Variants in ELP4 observed in about 807,000 individuals in gnomAD.
ELP4 encodes elongator complex protein 4.
In ELP4, 51 loss-of-function variants were observed where a neutral mutation model predicts 48.9. The observed-to-expected ratio is 1.04, with a 90% CI of 0.83 to 1.32. The LOEUF (loss-of-function observed/expected upper bound fraction) is 1.32. Ranked by LOEUF, ELP4 falls within the 40% of genes most tolerant of loss-of-function variation. The pLI, the probability that ELP4 is intolerant of heterozygous loss-of-function variation, is 0.00. For missense variants in ELP4, 519 were observed against 514.6 expected (o/e 1.01, Z -0.08); for synonymous variants, 210 against 189.2 (o/e 1.11, Z -0.90).
chr11:31,723,964 A>G (rs1007944474), intron 9 of ELP4, among the ~76,000 whole-genome samples: 5 of 152,204 alleles, frequency 3.3e-5, no homozygotes, highest in African/African-American at 1.2e-4. Flanking sequence ...AGGGTTGTCT[A>G]TGTGAAAGGC....
At chr11:31,567,276 A>G (rs971484185) in intron 3 of ELP4, among the ~76,000 whole-genome samples, 1 of 152,178 alleles carries the variant, frequency 6.6e-6, no homozygotes, top group South Asian at 2.1e-4. Context: ...CCCAGATTTT[A>G]TTCTAAAACA....
At chr11:31,567,021 A>G (rs1565057372) in intron 3 of ELP4, among the ~76,000 whole-genome samples, 2 of 144,400 alleles carry the variant, frequency 1.4e-5, no homozygotes, top group Non-Finnish European at 3.0e-5. Context: ...CTGGCAATGT[A>G]GTACTTCTTT....
chr11:31,545,814 A>G (rs976586438), intron 3 of ELP4, among the ~76,000 whole-genome samples: 2 of 152,164 alleles, frequency 1.3e-5, no homozygotes, highest in African/African-American at 4.8e-5. Context: ...GCCAGAAGAG[A>G]GTGGGGGCCA....
chr11:31,739,203 G>A (rs193264864), intron 9 of ELP4, among the ~76,000 whole-genome samples: 1 of 152,260 alleles, frequency 6.6e-6, no homozygotes, highest in East Asian at 1.9e-4. Flanking sequence ...CAATAAAAGT[G>A]TAGTGACACA....
At chr11:31,518,800 G>T (rs952041004) in intron 1 of ELP4, among the ~76,000 whole-genome samples, 6 of 150,650 alleles carry the variant, frequency 4.0e-5, no homozygotes, top group Non-Finnish European at 8.8e-5. Flanking sequence ...GGAGGCTGAG[G>T]CAGGAGAATC....
chr11:31,576,408 C>G (rs1009018851), intron 3 of ELP4, among the ~76,000 whole-genome samples: 1 of 152,118 alleles, frequency 6.6e-6, no homozygotes, highest in Non-Finnish European at 1.5e-5. Flanking sequence ...CAAGGATATC[C>G]AGGAATTGAA....
chr11:31,551,648 C>G (rs1225438357), intron 3 of ELP4, among the ~76,000 whole-genome samples: 2 of 152,096 alleles, frequency 1.3e-5, no homozygotes, highest in East Asian at 1.9e-4. Context: ...CCTTGTACCT[C>G]TGTAAAATAT....
intron 9 of ELP4, among the ~76,000 whole-genome samples, chr11:31,765,529 A>G (rs1244191793): frequency 6.6e-6 from 1 of 152,178 alleles, no homozygotes; most frequent in African/African-American, 2.4e-5. Context: ...GCTGGATATA[A>G]TATGAGTAAT....
At chr11:31,636,662 TG>T (rs1944984460) in intron 7 of ELP4, among the ~76,000 whole-genome samples, 1 of 151,918 alleles carries the variant, frequency 6.6e-6, no homozygotes, top group Non-Finnish European at 1.5e-5. Flanking sequence ...ATAAGACTTT[TG>T]TGAGTAGAAT....
chr11:31,533,648 A>G (rs904134145), intron 2 of ELP4, among the ~76,000 whole-genome samples: 2 of 151,414 alleles, frequency 1.3e-5, no homozygotes, highest in Non-Finnish European at 2.9e-5. Context: ...TTGGCCTCCC[A>G]AAGTGCTGGG....
intron 9 of ELP4, among the ~76,000 whole-genome samples, chr11:31,746,401 G>C (rs534724981): frequency 1.3e-5 from 2 of 152,254 alleles, no homozygotes; most frequent in South Asian, 4.1e-4. Context: ...TATACCCAAA[G>C]GATTATAAAT....
chr11:31,590,186 C>G (rs1442978466), intron 3 of ELP4, among the ~76,000 whole-genome samples: 2 of 152,082 alleles, frequency 1.3e-5, no homozygotes, highest in African/African-American at 4.8e-5. Flanking sequence ...AGTTTATTAT[C>G]GAACACTGAA....
intron 3 of ELP4, among the ~76,000 whole-genome samples, chr11:31,546,851 G>C (rs1180547367): frequency 6.6e-6 from 1 of 151,976 alleles, no homozygotes; most frequent in African/African-American, 2.4e-5. Context: ...CCGCTCAACT[G>C]TATGGAAACT....
At chr11:31,616,245 C>G (rs959876913) in intron 5 of ELP4, among the ~76,000 whole-genome samples, 3 of 151,910 alleles carry the variant, frequency 2.0e-5, no homozygotes, top group African/African-American at 7.2e-5. Flanking sequence ...GACAGATACA[C>G]AAACCAATAG....
At chr11:31,589,969 G>T (rs181810441) in intron 3 of ELP4, among the ~76,000 whole-genome samples, 26 of 152,220 alleles carry the variant, frequency 1.7e-4, no homozygotes, top group Non-Finnish European at 3.4e-4. Context: ...AAGCAATATA[G>T]CATGGTGGTT....
At chr11:31,705,715 T>C (rs560358597) in intron 9 of ELP4, among the ~76,000 whole-genome samples, 1 of 152,346 alleles carries the variant, frequency 6.6e-6, no homozygotes, top group East Asian at 1.9e-4. Context: ...TATCAATATG[T>C]CTATTAATTT....
rs753438786 is a variant in ELP4 at position 31,632,449 on chromosome 11, T to A, written c.927+44T>A. 3 of 1,481,462 alleles carry A rather than the reference T, an allele frequency of 2.0e-6. No homozygotes were observed. The South Asian group carries it at 3.9e-5, about 19-fold the overall frequency. 91.8% of individuals were successfully genotyped at this position (1,481,462 alleles called of 1,614,324 possible). A position where few individuals can be genotyped will look rare whatever the true frequency, so the allele number is the denominator to read the frequency against. On this transcript the variant is annotated intron_variant, in intron 7 of 9. Transcript: ENST00000640961. ...TACTTTTTCATAATTCATAGTAATA[T>A]AGTATGACATTGTGGTTTTAGTTTG...
At chr11:31,601,872 A>G (rs1355843067) in intron 4 of ELP4, among the ~76,000 whole-genome samples, 1 of 152,028 alleles carries the variant, frequency 6.6e-6, no homozygotes, top group Non-Finnish European at 1.5e-5. Flanking sequence ...ACATAGACCA[A>G]GCTTTTATTG....
At chr11:31,703,248 G>C (rs1946564019) in intron 9 of ELP4, among the ~76,000 whole-genome samples, 1 of 152,158 alleles carries the variant, frequency 6.6e-6, no homozygotes, top group African/African-American at 2.4e-5. Flanking sequence ...GGGGAACAGT[G>C]AAAAGAAGAC....
Sources: allele counts gnomAD v4.1 joint callset (sites outside exome capture counted in the v4.1 genomes callset), GRCh38; gene constraint gnomAD v4.1.1; transcripts MANE v1.5; gene names NCBI Gene and HGNC (gene_info 2026-07-23, HGNC 2026-07-21).